The following PCDHAC1 variants were observed in gnomAD, a reference collection of about 807,000 sequenced individuals.
PCDHAC1 encodes the protein protocadherin alpha-C1.
In PCDHAC1, 42 loss-of-function variants were observed where a neutral mutation model predicts 60.0. The ratio of observed to expected loss-of-function variants is 0.70; its 90% CI spans 0.55 to 0.90. The LOEUF is 0.90. Among genes scored for constraint, PCDHAC1 ranks in the 40% least tolerant of loss-of-function variants. The pLI, the probability that PCDHAC1 is intolerant of heterozygous loss-of-function variation, is 0.00. For synonymous variants in PCDHAC1, 468 were observed against 499.3 expected (o/e 0.94, Z 0.84); for missense variants, 1,160 against 1,222.3 (o/e 0.95, Z 0.76).
intron 1 of PCDHAC1, chr5:140,969,209 A>G (rs1586360550): frequency 1.2e-6 from 2 of 1,614,194 alleles, no homozygotes; most frequent in Non-Finnish European, 1.7e-6. Context: ...AGGGGCCCAG[A>G]CAGGACCAGG....
At chr5:140,969,342 G>A in intron 1 of PCDHAC1, 1 of 1,613,630 alleles carries the variant, frequency 6.2e-7, no homozygotes, top group Non-Finnish European at 8.5e-7. Flanking sequence ...GTGAGACAGT[G>A]GTCAGGGGGT....
intron 3 of PCDHAC1, among the ~76,000 whole-genome samples, chr5:140,991,449 A>G (rs1405447405): frequency 6.6e-6 from 1 of 152,206 alleles, no homozygotes; most frequent in East Asian, 1.9e-4. Flanking sequence ...GCTTAAAACA[A>G]CACAATGTAT....
intron 1 of PCDHAC1, among the ~76,000 whole-genome samples, chr5:140,951,382 G>A (rs246042): frequency 0.56 from 85,615 of 151,810 alleles, 24,753 homozygotes; most frequent in African/African-American, 0.69. Context: ...CCCAAGACTC[G>A]GTAATTTATA....
chr5:141,005,263 A>T (rs1223276392), intron 3 of PCDHAC1, among the ~76,000 whole-genome samples: 2 of 152,198 alleles, frequency 1.3e-5, no homozygotes, highest in Admixed American at 1.3e-4. Context: ...GGCACTGGTG[A>T]TACATTGGTG....
chr5:140,970,872 T>C (rs2096439604), intron 1 of PCDHAC1, among the ~76,000 whole-genome samples: 3 of 152,158 alleles, frequency 2.0e-5, no homozygotes, highest in African/African-American at 7.2e-5. Flanking sequence ...TGATTGAGAG[T>C]AGATTTTTCT....
intron 1 of PCDHAC1, among the ~76,000 whole-genome samples, chr5:140,959,860 A>G (rs1554224378): frequency 6.6e-6 from 1 of 152,230 alleles, no homozygotes; most frequent in East Asian, 1.9e-4. Context: ...GGAATTATGT[A>G]GCAAAATCTG....
At position 140,928,218 on chromosome 5, in the gene PCDHAC1, A is replaced by G; in HGVS notation, c.1326A>G (p.Thr442=). 6.2e-7 allele frequency: 1 copy of G among 1,614,190 alleles called. No homozygotes were observed. Among genetic ancestry groups the G allele is most frequent in the East Asian group, 2.2e-5 (1 of 44,880 alleles). The change falls in exon 1 of 4, where the codon ACA becomes ACG. Residue 442 remains threonine, a synonymous_variant. Coordinates refer to ENST00000253807, the MANE Select transcript of PCDHAC1 (RefSeq NM_018898.5). ...TVSVADVNDN[T]PNFPQPQQEL... is the part of the protein sequence containing the mutation. ...CAGTTGCTGATGTGAATGACAATAC[A>G]CCAAACTTTCCTCAACCCCAGCAGG...
intron 1 of PCDHAC1, among the ~76,000 whole-genome samples, chr5:140,975,946 A>T (rs989122714): frequency 6.6e-6 from 1 of 152,210 alleles, no homozygotes; most frequent in Non-Finnish European, 1.5e-5. Context: ...AATAGGACAT[A>T]TTAGAGTTCT....
intron 1 of PCDHAC1, among the ~76,000 whole-genome samples, chr5:140,978,640 G>T (rs1339340351): frequency 6.6e-6 from 1 of 152,252 alleles, no homozygotes; most frequent in African/African-American, 2.4e-5. Flanking sequence ...TCTCAAAGCA[G>T]ACTGTTCTTC....
chr5:140,976,449 G>T (rs1554237649), intron 1 of PCDHAC1, among the ~76,000 whole-genome samples: 1 of 152,136 alleles, frequency 6.6e-6, no homozygotes, highest in Non-Finnish European at 1.5e-5. Flanking sequence ...TACTAGGGAG[G>T]CTGGGGAAGA....
intron 3 of PCDHAC1, among the ~76,000 whole-genome samples, chr5:141,001,011 A>G (rs912284389): frequency 3.9e-5 from 6 of 152,206 alleles, no homozygotes; most frequent in African/African-American, 1.4e-4. Context: ...ATGTATTTAG[A>G]TATACACTTA....
At chr5:140,943,726 A>G (rs181662166) in intron 1 of PCDHAC1, among the ~76,000 whole-genome samples, 8 of 152,372 alleles carry the variant, frequency 5.3e-5, no homozygotes, top group Middle Eastern at 3.4e-3. Flanking sequence ...GTCTGAGAGA[A>G]TGAAAGTCCA....
intron 1 of PCDHAC1, among the ~76,000 whole-genome samples, chr5:140,964,650 TG>T (rs1554227136): frequency 6.6e-6 from 1 of 151,800 alleles, no homozygotes; most frequent in Non-Finnish European, 1.5e-5. Flanking sequence ...AAACAAGTAA[TG>T]GGTGAGGACA....
chr5:140,969,704 T>G (rs1317094729), intron 1 of PCDHAC1, among the ~76,000 whole-genome samples: 10 of 152,172 alleles, frequency 6.6e-5, no homozygotes, highest in African/African-American at 2.4e-4. Flanking sequence ...TGCTGTATCA[T>G]CTACAGGGAA....
intron 1 of PCDHAC1, chr5:140,968,847 A>G (rs781874732): frequency 8.7e-6 from 14 of 1,614,222 alleles, no homozygotes; most frequent in Middle Eastern, 1.6e-4. Context: ...ACTCAGAGGC[A>G]TGTTAAGAGC....
chr5:140,957,541 A>C (rs2153713960), intron 1 of PCDHAC1, among the ~76,000 whole-genome samples: 1 of 152,298 alleles, frequency 6.6e-6, no homozygotes, highest in South Asian at 2.1e-4. Flanking sequence ...GATCTTAGAA[A>C]GTATTCTCTG....
At chr5:140,978,240 C>T (rs1290697340) in intron 1 of PCDHAC1, among the ~76,000 whole-genome samples, 3 of 152,174 alleles carry the variant, frequency 2.0e-5, no homozygotes, top group African/African-American at 7.2e-5. Context: ...TGGATTTCAG[C>T]TACTCCCTGT....
chr5:140,979,058 C>A, intron 2 of PCDHAC1, 51 bp downstream of exon 2: 3 of 1,606,096 alleles, frequency 1.9e-6, no homozygotes, highest in Non-Finnish European at 2.6e-6. Context: ...CTTGGTATGG[C>A]TCAGATAAAC....
chr5:140,957,100 T>C (rs2095333217), intron 1 of PCDHAC1, among the ~76,000 whole-genome samples: 1 of 152,328 alleles, frequency 6.6e-6, no homozygotes, highest in Non-Finnish European at 1.5e-5. Flanking sequence ...AATATTGCTA[T>C]GGACATGATT....
Sources: gnomAD v4.1 joint callset for allele counts (sites outside exome capture counted in the v4.1 genomes callset) on GRCh38, gnomAD v4.1.1 for gene constraint, MANE v1.5 for transcripts, NCBI Gene and HGNC (gene_info 2026-07-23, HGNC 2026-07-21) for gene names.